PRIMA1: variants seen among roughly 807,000 people sequenced by gnomAD.
PRIMA1 encodes the protein proline rich membrane anchor 1, also known as proline-rich membrane anchor 1.
Under a neutral mutation model 17.5 loss-of-function variants are expected in PRIMA1, and 7 were observed. The ratio of observed to expected loss-of-function variants is 0.40; its 90% CI spans 0.23 to 0.75. PRIMA1 has a LOEUF of 0.75. Ranked by LOEUF, PRIMA1 falls within the 30% of genes least tolerant of loss-of-function variation. The pLI, the probability that PRIMA1 is intolerant of heterozygous loss-of-function variation, is 0.37. For missense variants in PRIMA1, 200 were observed against 201.8 expected (o/e 0.99, Z 0.05); for synonymous variants, 97 against 77.9 (o/e 1.25, Z -1.29).
At chr14:93,771,286 A>T (rs1308610795) in intron 3 of PRIMA1, among the ~76,000 whole-genome samples, 1 of 152,128 alleles carries the variant, frequency 6.6e-6, no homozygotes, top group Non-Finnish European at 1.5e-5. Flanking sequence ...TGGTCCCTTG[A>T]TTCTAAAAAA....
At chr14:93,780,043 C>T (rs1885335420) in intron 2 of PRIMA1, among the ~76,000 whole-genome samples, 1 of 152,252 alleles carries the variant, frequency 6.6e-6, no homozygotes, top group African/African-American at 2.4e-5. Context: ...TCCCTGACAA[C>T]CTCTCCGGCC....
chr14:93,779,772 C>T (rs924556476), intron 2 of PRIMA1, among the ~76,000 whole-genome samples: 3 of 152,232 alleles, frequency 2.0e-5, no homozygotes, highest in African/African-American at 7.2e-5. Flanking sequence ...CTCTCCAGCC[C>T]TCGCTCCTGA....
chr14:93,779,834 C>A (rs1277088585), intron 2 of PRIMA1, among the ~76,000 whole-genome samples: 1 of 152,224 alleles, frequency 6.6e-6, no homozygotes, highest in Non-Finnish European at 1.5e-5. Context: ...TGGGTAGAAA[C>A]CTCACCCAGA....
intron 3 of PRIMA1, among the ~76,000 whole-genome samples, chr14:93,740,352 C>G (rs1214752938): frequency 6.6e-6 from 1 of 152,118 alleles, no homozygotes; most frequent in Non-Finnish European, 1.5e-5. Context: ...TTGGGGTATC[C>G]CTGACTTGGC....
chr14:93,781,446 A>T (rs996042541), intron 2 of PRIMA1, among the ~76,000 whole-genome samples: 6 of 152,224 alleles, frequency 3.9e-5, no homozygotes, highest in African/African-American at 1.4e-4. Context: ...GCACTCTACC[A>T]AGTGTGTGAA....
chr14:93,751,088 T>G (rs1246660808), intron 3 of PRIMA1, among the ~76,000 whole-genome samples: 1 of 152,226 alleles, frequency 6.6e-6, no homozygotes, highest in African/African-American at 2.4e-5. Context: ...TCCCACCTGC[T>G]GGCCGGGACG....
At chr14:93,738,117 G>A (rs1566966085) in intron 3 of PRIMA1, among the ~76,000 whole-genome samples, 1 of 152,138 alleles carries the variant, frequency 6.6e-6, no homozygotes, top group Non-Finnish European at 1.5e-5. Context: ...CACGGGGGTG[G>A]TCAAAATTTG....
At chr14:93,764,104 A>AC (rs1566973798) in intron 3 of PRIMA1, among the ~76,000 whole-genome samples, 1 of 150,450 alleles carries the variant, frequency 6.6e-6, no homozygotes, top group Non-Finnish European at 1.5e-5. Flanking sequence ...CACCCTTCTA[A>AC]CCCCCCAGCA....
intron 3 of PRIMA1, among the ~76,000 whole-genome samples, chr14:93,775,882 A>C (rs1885203271): frequency 6.6e-6 from 1 of 152,192 alleles, no homozygotes; most frequent in Non-Finnish European, 1.5e-5. Flanking sequence ...CACACATCCC[A>C]ACTCCAGGGG....
At chr14:93,787,010 C>CGA (rs770641915) in intron 2 of PRIMA1, among the ~76,000 whole-genome samples, 6 of 144,418 alleles carry the variant, frequency 4.2e-5, no homozygotes, top group Non-Finnish European at 9.1e-5. Flanking sequence ...GTACCAGTGA[C>CGA]GATGCGCATT....
intron 3 of PRIMA1, among the ~76,000 whole-genome samples, chr14:93,767,958 G>C (rs1884943388): frequency 6.6e-6 from 1 of 152,138 alleles, no homozygotes; most frequent in African/African-American, 2.4e-5. Context: ...TTCTTTTAGG[G>C]GTGAGGAATA....
At chr14:93,727,735 T>G (rs997041285) in intron 4 of PRIMA1, among the ~76,000 whole-genome samples, 1 of 151,400 alleles carries the variant, frequency 6.6e-6, no homozygotes, top group African/African-American at 2.5e-5. Context: ...GGGCATGCCC[T>G]TGGACACCAG....
chr14:93,759,624 A>T (rs566531927), intron 3 of PRIMA1, among the ~76,000 whole-genome samples: 2 of 152,130 alleles, frequency 1.3e-5, no homozygotes, highest in African/African-American at 2.4e-5. Context: ...GGGGAGGGAA[A>T]GGAGAAAGAA....
At chr14:93,758,988 G>A (rs2076309517) in intron 3 of PRIMA1, among the ~76,000 whole-genome samples, 1 of 152,190 alleles carries the variant, frequency 6.6e-6, no homozygotes, top group African/African-American at 2.4e-5. Context: ...TAGGTGTTCA[G>A]TAAATGGTTC....
intron 3 of PRIMA1, among the ~76,000 whole-genome samples, chr14:93,772,912 T>C (rs1885110581): frequency 1.3e-5 from 2 of 152,212 alleles, no homozygotes; most frequent in Non-Finnish European, 2.9e-5. Flanking sequence ...CTGCTTGCAT[T>C]AGAATTATTT....
chr14:93,771,160 A>G (rs949054988), intron 3 of PRIMA1, among the ~76,000 whole-genome samples: 1 of 150,366 alleles, frequency 6.7e-6, no homozygotes, highest in South Asian at 2.1e-4. Context: ...GTGCGCATGT[A>G]TGTGTGTGTG....
chr14:93,727,077 G>A (rs1462381945), intron 4 of PRIMA1, among the ~76,000 whole-genome samples: 2 of 152,118 alleles, frequency 1.3e-5, no homozygotes, highest in African/African-American at 2.4e-5. Context: ...GCAGCCCCAC[G>A]TCCAGCCTCC....
intron 4 of PRIMA1, among the ~76,000 whole-genome samples, chr14:93,734,411 G>T (rs1208834455): frequency 6.6e-6 from 1 of 152,162 alleles, no homozygotes; most frequent in Non-Finnish European, 1.5e-5. Flanking sequence ...CTGTTTTGGG[G>T]CTGCTTCTCT....
At position 93,726,052 on chromosome 14, in the gene PRIMA1, C is replaced by G. The variant is rs1260926617; in HGVS notation, c.360-4506G>C. On this transcript the variant is annotated intron_variant, in intron 4 of 4. Transcript: ENST00000393140. This position sits in a 1 kb window ranked among gnomAD's most constrained non-coding sequence, Gnocchi z 4.2. The stretch of plus-strand genomic sequence containing the variant: ...TAGTGAGACTTTCCTTGGCGGCACC[C>G]AGGATTCCTGCTTGTAGGAGGGTGG... The G allele has an allele frequency of 2.2e-6, 1 of 456,552 alleles. No homozygotes were observed. The highest frequency in any genetic ancestry group is 1.5e-5 in the South Asian group (1 of 64,566). 28.3% of individuals were successfully genotyped at this position (456,552 alleles called of 1,614,324 possible).
Sources: gnomAD v4.1 joint callset for allele counts (sites outside exome capture counted in the v4.1 genomes callset) on GRCh38, gnomAD v4.1.1 for gene constraint, Gnocchi (gnomAD v3.1) non-coding constraint, MANE v1.5 for transcripts, NCBI Gene and HGNC (gene_info 2026-07-23, HGNC 2026-07-21) for gene names.